Variants in DNAJC17 observed in about 807,000 individuals in gnomAD.
The protein encoded by DNAJC17 is DnaJ heat shock protein family (Hsp40) member C17, also known as dnaJ homolog subfamily C member 17.
In DNAJC17, 35 loss-of-function variants were observed where a neutral mutation model predicts 48.1. The observed-to-expected ratio is 0.73, with a 90% CI of 0.56 to 0.96. The LOEUF (loss-of-function observed/expected upper bound fraction) is 0.96, where lower values mean the gene tolerates loss of function less well. Ranked by LOEUF, DNAJC17 falls within the 50% of genes least tolerant of loss-of-function variation. The probability of loss-of-function intolerance (pLI) is 0.00; values close to 1 mark genes in which losing one functional copy is unlikely to be tolerated. For synonymous variants in DNAJC17, 117 were observed against 142.7 expected, an observed-to-expected ratio of 0.82 and a Z score of 1.28; for missense variants, 355 against 377.1, an observed-to-expected ratio of 0.94 and a Z score of 0.48.
intron 1 of DNAJC17, among the ~76,000 whole-genome samples, chr15:40,800,319 C>T (rs1270824857): frequency 2.0e-5 from 3 of 152,128 alleles, no homozygotes; most frequent in Admixed American, 6.5e-5. Context: ...CCACCTGCCT[C>T]GGCCTCCCAA....
intron 1 of DNAJC17, among the ~76,000 whole-genome samples, chr15:40,798,429 T>C (rs749718434): frequency 6.6e-6 from 1 of 152,214 alleles, no homozygotes; most frequent in Non-Finnish European, 1.5e-5. Flanking sequence ...ATGGTGGTGA[T>C]GGCTGCACAA....
At chr15:40,773,667 G>T (rs1482427121) in intron 10 of DNAJC17, 60 bp downstream of exon 10, 1 of 1,365,702 alleles carries the variant, frequency 7.3e-7, no homozygotes. Flanking sequence ...CCTGAGAGGA[G>T]CCCAGGTAGG....
intron 8 of DNAJC17, among the ~76,000 whole-genome samples, chr15:40,774,693 G>A (rs936332999): frequency 1.4e-4 from 22 of 152,356 alleles, no homozygotes; most frequent in African/African-American, 4.8e-4. Flanking sequence ...ATTGCATAGC[G>A]TCCTTGCTAG....
chr15:40,774,193 C>T, intron 9 of DNAJC17, 163 bp downstream of exon 9: 1 of 761,652 alleles, frequency 1.3e-6, no homozygotes, highest in Non-Finnish European at 2.2e-6. Flanking sequence ...CACGGTGCCT[C>T]TATTTCCAGG....
At chr15:40,786,834 C>G (rs561183846) in intron 1 of DNAJC17, among the ~76,000 whole-genome samples, 4 of 152,310 alleles carry the variant, frequency 2.6e-5, no homozygotes, top group African/African-American at 9.6e-5. Flanking sequence ...TTTGCAGAAA[C>G]TTGGTCTTTC....
intron 1 of DNAJC17, among the ~76,000 whole-genome samples, chr15:40,801,700 T>C (rs1190676467): frequency 7.4e-6 from 1 of 135,652 alleles, no homozygotes; most frequent in Non-Finnish European, 1.5e-5. Context: ...TTGCAGCCAC[T>C]GCACTCCAGC....
chr15:40,800,457 G>A (rs569316634), intron 1 of DNAJC17, among the ~76,000 whole-genome samples: 2 of 151,678 alleles, frequency 1.3e-5, no homozygotes, highest in Admixed American at 1.3e-4. Context: ...ATCATCTTTG[G>A]GGAAATGTCT....
At chr15:40,794,891 G>C (rs1417197406) in intron 1 of DNAJC17, among the ~76,000 whole-genome samples, 1 of 151,834 alleles carries the variant, frequency 6.6e-6, no homozygotes, top group Admixed American at 6.6e-5. Flanking sequence ...CTAATTTTTT[G>C]TATTTTTAGT....
intron 1 of DNAJC17, among the ~76,000 whole-genome samples, chr15:40,799,366 C>A (rs115561120): frequency 2.4e-4 from 36 of 152,044 alleles, no homozygotes; most frequent in African/African-American, 7.5e-4. Flanking sequence ...CACACCATGC[C>A]CTGCCTGTAT....
chr15:40,776,984 G>C (rs1344521392), intron 4 of DNAJC17: 3 of 226,066 alleles, frequency 1.3e-5, no homozygotes, highest in Non-Finnish European at 2.7e-5. Context: ...CTGTGGTTTG[G>C]CACCACAGCT....
rs1350750473 is a variant in DNAJC17 at position 40,771,906 on chromosome 15, C to T, written c.792+1821G>A. 4.2e-5 allele frequency: 7 copies of T among 167,092 alleles called. No homozygotes were observed. The Admixed American group carries it at 4.6e-4, about 11-fold the overall frequency. The allele number at this position is 167,092 out of a possible 1,614,324, so 10.4% of individuals were successfully genotyped here. On this transcript the variant is annotated intron_variant, in intron 10 of 10. Coordinates refer to ENST00000220496, the MANE Select transcript of DNAJC17 (RefSeq NM_018163.3). ...CCTTAGCAGAAATGAGGACGTGGCT[C>T]AGTCTGCCAACACAGCTACCCGGAG...
chr15:40,778,637 T>G (rs1889394641), intron 4 of DNAJC17, among the ~76,000 whole-genome samples: 1 of 152,124 alleles, frequency 6.6e-6, no homozygotes, highest in Non-Finnish European at 1.5e-5. Flanking sequence ...CTCCTTTGCC[T>G]ATAAAAAATG....
rs759847227 is a variant in DNAJC17 at position 40,767,321 on chromosome 15, C to A, written c.*619G>T. 5 of 1,602,674 alleles carry A rather than the reference C, an allele frequency of 3.1e-6. No individual in the cohort carries two copies. The stretch of plus-strand genomic sequence containing the variant: ...CTGAGCATGACGGGGGTGGGCCAGA[C>A]GCTGGTGTGGTGTCTGCACAAGGAG... On this transcript the variant is annotated 3_prime_UTR_variant, in exon 11 of 11. Transcript: ENST00000220496.
In DNAJC17 at chr15:40,767,871, T is replaced by G. The variant is rs541879268; in HGVS notation, c.*69A>C. The stretch of plus-strand genomic sequence containing the variant: ...CTATGTATGGGATAGAGGTAAAATC[T>G]TAAAAAAAAAAAAAATTTATTGGTG... On this transcript the variant is annotated 3_prime_UTR_variant, in exon 11 of 11. Coordinates refer to ENST00000220496, the MANE Select transcript of DNAJC17 (RefSeq NM_018163.3). The G allele has an allele frequency of 9.5e-6, 15 of 1,579,504 alleles. No homozygotes were observed. In the Admixed American group the frequency reaches 1.5e-4, roughly 16 times the overall value.
chr15:40,804,143 A>G (rs1284682052), intron 1 of DNAJC17, among the ~76,000 whole-genome samples: 2 of 149,320 alleles, frequency 1.3e-5, no homozygotes, highest in East Asian at 3.9e-4. Context: ...TTTTTTTTAT[A>G]TATAGAGAGA....
At chr15:40,788,320 T>C (rs1340881297) in intron 1 of DNAJC17, among the ~76,000 whole-genome samples, 1 of 152,068 alleles carries the variant, frequency 6.6e-6, no homozygotes, top group African/African-American at 2.4e-5. Context: ...CCTAACACTT[T>C]GGTAGGCCAA....
At position 40,770,524 on chromosome 15, in the gene DNAJC17, G is replaced by A. The variant is rs563122908; in HGVS notation, c.793-2462C>T. The stretch of plus-strand genomic sequence containing the variant: ...GAGACCTGGCGGAAAGGCTCCTTCC[G>A]CAACGCCTCCTTCTTCAAGCAGCTG... On this transcript the variant is annotated intron_variant, in intron 10 of 10. Coordinates refer to ENST00000220496, the MANE Select transcript of DNAJC17 (RefSeq NM_018163.3). This position sits in a 1 kb window ranked among gnomAD's most constrained non-coding sequence, Gnocchi z 5.0. 3.2e-5 allele frequency: 50 copies of A among 1,550,354 alleles called. No individual in the cohort carries two copies. The African/African-American group carries it at 6.3e-4, about 19-fold the overall frequency.
intron 6 of DNAJC17, 69 bp downstream of exon 6, chr15:40,776,127 C>T: frequency 1.3e-6 from 2 of 1,482,904 alleles, no homozygotes; most frequent in Non-Finnish European, 1.9e-6. Flanking sequence ...CACCGAACAG[C>T]CAGTGTGGCC....
rs2898999 is a variant in DNAJC17 at position 40,792,231 on chromosome 15, G to T, written c.79-12234C>A. Among the ~76,000 whole-genome samples the T allele has an allele frequency of 3.0e-3, 455 of 152,254 alleles. 5 individuals carry two copies. In the South Asian group the frequency reaches 0.044, roughly 15 times the overall value. ...CAATGTTGATGCACCACCTTCTAGG[G>T]TATAAAAGAAATATGTAGCTAGTGG... is the stretch of plus-strand genomic sequence containing the variant. On this transcript the variant is annotated intron_variant, in intron 1 of 10. Transcript: ENST00000220496.
Sources: allele counts gnomAD v4.1 joint callset (sites outside exome capture counted in the v4.1 genomes callset), GRCh38; gene constraint gnomAD v4.1.1; non-coding constraint Gnocchi (gnomAD v3.1); transcripts MANE v1.5; gene names NCBI Gene and HGNC (gene_info 2026-07-23, HGNC 2026-07-21).